Variants in KMT2C observed in about 807,000 individuals in gnomAD.
KMT2C encodes histone-lysine N-methyltransferase 2C.
In KMT2C, 88 loss-of-function variants were observed where a neutral mutation model predicts 507.9. That is an observed-to-expected ratio of 0.17 (90% CI 0.15 to 0.21). The LOEUF is 0.21. Ranked by LOEUF, KMT2C falls within the 10% of genes least tolerant of loss-of-function variation. The pLI, the probability that KMT2C is intolerant of heterozygous loss-of-function variation, is 1.00. For synonymous variants in KMT2C, 2,049 were observed against 2,080.8 expected (o/e 0.98, Z 0.42); for missense variants, 4,954 against 5,957.8 (o/e 0.83, Z 5.55).
At chr7:152,172,851 G>A (rs764856388) in intron 39 of KMT2C, among the ~76,000 whole-genome samples, 5 of 152,052 alleles carry the variant, frequency 3.3e-5, no homozygotes, top group Non-Finnish European at 5.9e-5. Context: ...GATTAGTTAT[G>A]TTCATCATTA....
At chr7:152,386,279 G>T (rs1347845362) in intron 1 of KMT2C, among the ~76,000 whole-genome samples, 1 of 152,256 alleles carries the variant, frequency 6.6e-6, no homozygotes, top group African/African-American at 2.4e-5. Flanking sequence ...AGTGAGTTAA[G>T]ATGGTTATAA....
At position 152,227,974 on chromosome 7, in the gene KMT2C, G is replaced by C. The variant is rs142907834; in HGVS notation, c.2976+1949C>G. Among the ~76,000 whole-genome samples, 5 of 152,310 alleles carry C rather than the reference G, an allele frequency of 3.3e-5. No homozygotes were observed. In the East Asian group the frequency reaches 9.6e-4, roughly 29 times the overall value. Reference sequence around the variant, plus strand: ...ATAGGGTTAAATTAATGCTAGGACCGCAGCTACCAAAATGTGGTCTAGGGA... The same window carrying C: ...ATAGGGTTAAATTAATGCTAGGACCCCAGCTACCAAAATGTGGTCTAGGGA... On this transcript the variant is annotated intron_variant, in intron 18 of 58. Coordinates refer to ENST00000262189, the MANE Select transcript of KMT2C (RefSeq NM_170606.3).
chr7:152,189,908 G>C (rs1283234844), intron 31 of KMT2C, among the ~76,000 whole-genome samples: 1 of 152,198 alleles, frequency 6.6e-6, no homozygotes, highest in Non-Finnish European at 1.5e-5. Flanking sequence ...CCACAGACTG[G>C]TACCAGTCCA....
At chr7:152,346,924 G>C (rs530792726) in intron 2 of KMT2C, among the ~76,000 whole-genome samples, 3,780 of 152,182 alleles carry the variant, frequency 0.025, 156 homozygotes, top group African/African-American at 0.086. Flanking sequence ...CAGGAGATAA[G>C]AGACCATCCT....
chr7:152,255,873 A>G (rs2095652674), intron 9 of KMT2C, among the ~76,000 whole-genome samples: 1 of 152,176 alleles, frequency 6.6e-6, no homozygotes, highest in African/African-American at 2.4e-5. Flanking sequence ...AAATGTAAAA[A>G]ATAAAACAAT....
At chr7:152,172,582 G>A (rs1034675166) in intron 39 of KMT2C, among the ~76,000 whole-genome samples, 1 of 152,162 alleles carries the variant, frequency 6.6e-6, no homozygotes, top group Non-Finnish European at 1.5e-5. Context: ...TGTGATCCGA[G>A]CTACTCCAGA....
chr7:152,307,323 G>A (rs1161177184), intron 6 of KMT2C, among the ~76,000 whole-genome samples: 1 of 131,440 alleles, frequency 7.6e-6, no homozygotes, highest in Admixed American at 7.9e-5. Flanking sequence ...AAGGACAGAA[G>A]AGGAAGGAAA....
chr7:152,384,278 G>T, intron 1 of KMT2C, among the ~76,000 whole-genome samples: 1 of 152,152 alleles, frequency 6.6e-6, no homozygotes, highest in African/African-American at 2.4e-5. Context: ...TCCTTGGAAT[G>T]ACTTAAAACC....
chr7:152,381,173 C>T (rs2097370232), intron 1 of KMT2C, among the ~76,000 whole-genome samples: 1 of 152,098 alleles, frequency 6.6e-6, no homozygotes, highest in Non-Finnish European at 1.5e-5. Context: ...CTCATTTATT[C>T]AACAAATATT....
chr7:152,199,181 CAT>C lies in KMT2C; in HGVS notation c.4273+96_4273+97del, dbSNP rs2094054916. On this transcript the variant is annotated intron_variant, in intron 27 of 58. Transcript: ENST00000262189. ...TTCAATGCTGTTGATTTTTAAAATGCATATGAGGCCAAACAAAAACATTTCAA... is the reference window on the plus strand; with the variant it reads ...TTCAATGCTGTTGATTTTTAAAATGCATGAGGCCAAACAAAAACATTTCAA... The C allele has an allele frequency of 2.9e-5, 27 of 921,588 alleles. No individual in the cohort carries two copies. In the South Asian group the frequency reaches 4.3e-4, roughly 15 times the overall value. The allele number at this position is 921,588 out of a possible 1,614,324, so 57.1% of individuals were successfully genotyped here. A position where few individuals can be genotyped will look rare whatever the true frequency, so the allele number is the denominator to read the frequency against.
chr7:152,395,979 C>T (rs2116579358), intron 1 of KMT2C, among the ~76,000 whole-genome samples: 1 of 152,266 alleles, frequency 6.6e-6, no homozygotes, highest in South Asian at 2.1e-4. Context: ...TTACTGCCCG[C>T]AACAATCCTA....
chr7:152,184,661 G>C (rs530220517), intron 34 of KMT2C, among the ~76,000 whole-genome samples: 3 of 152,274 alleles, frequency 2.0e-5, no homozygotes, highest in South Asian at 2.1e-4. Flanking sequence ...GTATCCATGG[G>C]GTATTGGTTC....
At chr7:152,429,162 A>T (rs1011859922) in intron 1 of KMT2C, among the ~76,000 whole-genome samples, 6 of 152,308 alleles carry the variant, frequency 3.9e-5, no homozygotes, top group African/African-American at 1.4e-4. Context: ...GCACCCCTCT[A>T]GGCCACAATA....
At position 152,311,914 on chromosome 7, in the gene KMT2C, C is replaced by T. The variant is rs1279873716; in HGVS notation, c.623G>A (p.Cys208Tyr). 1 of 1,609,488 alleles carries T rather than the reference C, an allele frequency of 6.2e-7. No homozygotes were observed. The highest frequency in any genetic ancestry group is 8.5e-7 in the Non-Finnish European group (1 of 1,176,690). ...ERSPQQNIVS[C>Y]VSVSTQTASD... Reference sequence around the variant, plus strand: ...AGCTGTCTGGGTGCTTACACTTACACAAGATACTATATTCTGCTGAGGAGA... The same window carrying T: ...AGCTGTCTGGGTGCTTACACTTACATAAGATACTATATTCTGCTGAGGAGA... Residue 208 changes from cysteine to tyrosine, a missense_variant, in exon 5 of 59, where the codon TGT becomes TAT. By Grantham distance (194) the Cys-to-Tyr change is radical. Transcript: ENST00000262189.
At chr7:152,265,632 C>T (rs2095848003) in intron 7 of KMT2C, among the ~76,000 whole-genome samples, 1 of 151,878 alleles carries the variant, frequency 6.6e-6, no homozygotes, top group African/African-American at 2.4e-5. Flanking sequence ...TTTGAAATTA[C>T]AAAATCAGAT....
At position 152,366,840 on chromosome 7, in the gene KMT2C, GA is replaced by G. The variant is rs374260049; in HGVS notation, c.162-8166del. On this transcript the variant is annotated intron_variant, in intron 1 of 58. Transcript: ENST00000262189. ...CCGCCGCCGCCCATCAGCTATGGAG[GA>G]GCTTTACAACTTCCCGGCCTGCAGA... 1,729 of 267,954 alleles carry G rather than the reference GA, an allele frequency of 6.5e-3. 26 individuals carry two copies. The highest frequency in any genetic ancestry group is 0.037 in the African/African-American group (1,605 of 43,496). The allele number at this position is 267,954 out of a possible 1,614,324, so 16.6% of individuals were successfully genotyped here.
intron 6 of KMT2C, among the ~76,000 whole-genome samples, chr7:152,286,183 T>C (rs1466125255): frequency 1.3e-5 from 2 of 152,294 alleles, no homozygotes; most frequent in Non-Finnish European, 2.9e-5. Context: ...AAATATCAAA[T>C]ATACTAACAT....
chr7:152,429,898 C>T (rs1050639547), intron 1 of KMT2C, among the ~76,000 whole-genome samples: 3 of 151,012 alleles, frequency 2.0e-5, no homozygotes, highest in African/African-American at 7.3e-5. Flanking sequence ...TAATCTCAGC[C>T]GGGCGTGGTG....
At chr7:152,186,755 C>T (rs1025832773) in intron 33 of KMT2C, among the ~76,000 whole-genome samples, 1 of 152,094 alleles carries the variant, frequency 6.6e-6, no homozygotes, top group African/African-American at 2.4e-5. Context: ...TTTCATTAAT[C>T]CAAATTTCTC....
Sources: allele counts gnomAD v4.1 joint callset (sites outside exome capture counted in the v4.1 genomes callset), GRCh38; gene constraint gnomAD v4.1.1; transcripts MANE v1.5; gene names NCBI Gene and HGNC (gene_info 2026-07-23, HGNC 2026-07-21).